SDK1: variants seen among roughly 807,000 people sequenced by gnomAD.
SDK1 encodes protein sidekick-1.
SDK1 carries 157 observed loss-of-function variants against 245.5 expected under a neutral mutation model. That is an observed-to-expected ratio of 0.64 (90% CI 0.56 to 0.73). SDK1 has a LOEUF of 0.73. SDK1 is among the 30% of genes least tolerant of loss of function. The probability of loss-of-function intolerance (pLI) is 0.00; values close to 1 mark genes in which losing one functional copy is unlikely to be tolerated. For missense variants in SDK1, 3,583 were observed against 3,002.3 expected (o/e 1.19, Z -4.52); for synonymous variants, 1,647 against 1,278.5 (o/e 1.29, Z -6.15).
intron 40 of SDK1, among the ~76,000 whole-genome samples, chr7:4,224,624 C>T (rs1236670398): frequency 6.6e-6 from 1 of 152,118 alleles, no homozygotes; most frequent in African/African-American, 2.4e-5. Context: ...GTTTCCTTTT[C>T]AATTTTAGTT....
intron 4 of SDK1, among the ~76,000 whole-genome samples, chr7:3,787,849 G>T (rs1313715121): frequency 6.6e-6 from 1 of 152,184 alleles, no homozygotes; most frequent in Non-Finnish European, 1.5e-5. Context: ...AACATAAGAC[G>T]TGGTTTCATT....
At chr7:4,152,648 A>G (rs1162039551) in intron 30 of SDK1, among the ~76,000 whole-genome samples, 1 of 152,206 alleles carries the variant, frequency 6.6e-6, no homozygotes. Flanking sequence ...AACTAGGACA[A>G]ATGCTTCCTC....
intron 7 of SDK1, 151 bp from the exon 8 acceptor site, chr7:3,958,780 T>C: frequency 1.5e-6 from 1 of 675,988 alleles, no homozygotes; most frequent in Non-Finnish European, 2.6e-6. Flanking sequence ...TGGCCTGTGC[T>C]CACTGAGTTC....
rs956503999 is a variant in SDK1, at chr7:3,652,149, A to C, written c.713+10044A>C. Among the ~76,000 whole-genome samples the C allele has an allele frequency of 3.9e-4, 60 of 152,230 alleles. 1 individual carries two copies. Among genetic ancestry groups the C allele is most frequent in the Non-Finnish European group, 1.6e-4 (11 of 68,044 alleles). ...ATGAGGAAGTGGAGACAGCAAGTTG[A>C]GACAACTCTTTGGGCATTTTTCTTG... On this transcript the variant is annotated intron_variant, in intron 4 of 44. Transcript: ENST00000404826.
chr7:3,806,793 G>C (rs936434057), intron 4 of SDK1, among the ~76,000 whole-genome samples: 3 of 129,674 alleles, frequency 2.3e-5, no homozygotes, highest in Admixed American at 7.4e-5. Flanking sequence ...ACTGGCAGGT[G>C]GTGGAGACGG....
chr7:3,747,701 GT>G (rs1562414140), intron 4 of SDK1, among the ~76,000 whole-genome samples: 1,203 of 104,790 alleles, frequency 0.011, 20 homozygotes, highest in African/African-American at 0.09. Context: ...AGCCTGGGGT[GT>G]GTGTGTGTGT....
intron 22 of SDK1, among the ~76,000 whole-genome samples, chr7:4,107,411 A>G (rs1174713074): frequency 6.6e-6 from 1 of 152,096 alleles, no homozygotes; most frequent in East Asian, 1.9e-4. Flanking sequence ...CTCTTTCCTT[A>G]GTGCTTATAC....
At chr7:4,257,758 G>A (rs536499828) in intron 44 of SDK1, among the ~76,000 whole-genome samples, 13 of 152,336 alleles carry the variant, frequency 8.5e-5, no homozygotes, top group African/African-American at 2.9e-4. Context: ...GGCTGGGTCT[G>A]TGGGCACTGG....
intron 1 of SDK1, among the ~76,000 whole-genome samples, chr7:3,366,681 C>T (rs1049606790): frequency 2.6e-5 from 4 of 152,122 alleles, no homozygotes; most frequent in African/African-American, 9.7e-5. Context: ...TTTTTGTCAA[C>T]TGTTGGTTCA....
chr7:4,248,394 C>CACATATGT (rs1787050195), intron 44 of SDK1, among the ~76,000 whole-genome samples: 1 of 151,112 alleles, frequency 6.6e-6, no homozygotes, highest in South Asian at 2.1e-4. Flanking sequence ...TACACATATG[C>CACATATGT]ACACATATGT....
chr7:3,439,757 A>G (rs1164182920), intron 1 of SDK1, among the ~76,000 whole-genome samples: 3 of 152,260 alleles, frequency 2.0e-5, no homozygotes, highest in Non-Finnish European at 2.9e-5. Flanking sequence ...CTTTATGATC[A>G]TGATTTAAAG....
rs1450653049 is a variant in SDK1 at position 3,967,410 on chromosome 7, A to G, written c.1522A>G (p.Lys508Glu). ...ILRCEVSGAP[K>E]PAITWKRENH... ...AAGGTGTGAGGTGTCCGGGGCTCCCAAACCCGCCATCACCTGGAAAAGAGG... is the reference window on the plus strand; with the variant it reads ...AAGGTGTGAGGTGTCCGGGGCTCCCGAACCCGCCATCACCTGGAAAAGAGG... Residue 508 changes from lysine to glutamate, a missense_variant, in exon 10 of 45, where the codon AAA becomes GAA. Coordinates refer to ENST00000404826, the MANE Select transcript of SDK1 (RefSeq NM_152744.4). 2 of 1,613,654 alleles carry G rather than the reference A, an allele frequency of 1.2e-6. No homozygotes were observed. Among genetic ancestry groups the G allele is most frequent in the Non-Finnish European group, 1.7e-6 (2 of 1,179,668 alleles).
At chr7:3,786,039 G>A (rs544058093) in intron 4 of SDK1, among the ~76,000 whole-genome samples, 1 of 152,288 alleles carries the variant, frequency 6.6e-6, no homozygotes, top group African/African-American at 2.4e-5. Context: ...TAACACAAAT[G>A]TGGTCTCTTT....
chr7:4,252,391 C>T (rs993376636), intron 44 of SDK1, among the ~76,000 whole-genome samples: 2 of 152,132 alleles, frequency 1.3e-5, no homozygotes, highest in African/African-American at 4.8e-5. Context: ...ATGAATTCAT[C>T]ATTTTTTATG....
At chr7:3,590,749 T>C (rs1378781928) in intron 1 of SDK1, among the ~76,000 whole-genome samples, 1 of 151,100 alleles carries the variant, frequency 6.6e-6, no homozygotes, top group Admixed American at 6.6e-5. Flanking sequence ...TTAGATTTAA[T>C]GGGTCTGCAG....
chr7:3,524,820 TGGA>T (rs764801588), intron 1 of SDK1, among the ~76,000 whole-genome samples: 7 of 152,076 alleles, frequency 4.6e-5, no homozygotes, highest in Admixed American at 1.3e-4. Flanking sequence ...GAAAAAAAAT[TGGA>T]GGGTCATCAA....
chr7:4,094,592 G>T (rs1782024121), intron 22 of SDK1, among the ~76,000 whole-genome samples: 2 of 152,258 alleles, frequency 1.3e-5, no homozygotes, highest in African/African-American at 2.4e-5. Context: ...AAGACCTCAT[G>T]GCAGGTGGCC....
At chr7:3,821,664 T>C in intron 5 of SDK1, 81 bp downstream of exon 5, 1 of 1,483,916 alleles carries the variant, frequency 6.7e-7, no homozygotes, top group Non-Finnish European at 9.2e-7. Context: ...GACAGGACAT[T>C]TTGCAATAAA....
chr7:4,233,297 G>C lies in SDK1; in HGVS notation c.5870G>C (p.Ser1957Thr), dbSNP rs779154439. 2 of 1,613,948 alleles carry C rather than the reference G, an allele frequency of 1.2e-6. No individual in the cohort carries two copies. The highest frequency in any genetic ancestry group is 1.7e-6 in the Non-Finnish European group (2 of 1,180,002). ...WDMFVKDIPR[S>T]ATSYTLSLDK... ...ATGTTTGTGAAGGACATCCCGCGGAGCGCCACATCCTACACCCTCAGCCTG... is the reference window on the plus strand; with the variant it reads ...ATGTTTGTGAAGGACATCCCGCGGACCGCCACATCCTACACCCTCAGCCTG... The change falls in exon 41 of 45, where the codon AGC becomes ACC. Residue 1957 changes from serine (S) to threonine (T), a missense_variant. Transcript: ENST00000404826.
Sources: gnomAD v4.1 joint callset for allele counts (sites outside exome capture counted in the v4.1 genomes callset) on GRCh38, gnomAD v4.1.1 for gene constraint, MANE v1.5 for transcripts, NCBI Gene and HGNC (gene_info 2026-07-23, HGNC 2026-07-21) for gene names.